Variants in EPS15 observed in about 807,000 individuals in gnomAD.
The protein encoded by EPS15 is epidermal growth factor receptor pathway substrate 15, also known as epidermal growth factor receptor substrate 15.
A neutral mutation model predicts 113.8 loss-of-function variants in EPS15; 72 were observed. That is an observed-to-expected ratio of 0.63 (90% CI 0.52 to 0.77). The LOEUF (loss-of-function observed/expected upper bound fraction) is 0.77, where lower values mean the gene tolerates loss of function less well. EPS15 is among the 30% of genes least tolerant of loss of function. EPS15 has a pLI of 0.00. For synonymous variants in EPS15, 344 were observed against 363.4 expected (o/e 0.95, Z 0.61); for missense variants, 1,048 against 1,045.8 (o/e 1.00, Z -0.03).
chr1:51,384,493 A>T (rs1395282522), intron 21 of EPS15, among the ~76,000 whole-genome samples: 26 of 151,496 alleles, frequency 1.7e-4, no homozygotes, highest in Admixed American at 1.7e-3. Context: ...GTAGAGACAG[A>T]GTCTCACTAT....
intron 12 of EPS15, 38 bp from the exon 13 acceptor site, chr1:51,421,896 C>T: frequency 6.2e-7 from 1 of 1,609,676 alleles, no homozygotes; most frequent in South Asian, 1.1e-5. Context: ...TATTTTAGAA[C>T]ATCAGCTACA....
intron 24 of EPS15, among the ~76,000 whole-genome samples, chr1:51,358,272 C>T (rs980410824): frequency 6.6e-5 from 10 of 151,530 alleles, no homozygotes; most frequent in African/African-American, 1.7e-4. Flanking sequence ...GCCAGATCGA[C>T]GGAGTGAGCC....
At chr1:51,518,781 G>T (rs1051930492) in intron 1 of EPS15, among the ~76,000 whole-genome samples, 15 of 151,618 alleles carry the variant, frequency 9.9e-5, no homozygotes, top group African/African-American at 3.4e-4. Context: ...CGTGCGGCCC[G>T]GGGGTGCGGC....
intron 7 of EPS15, among the ~76,000 whole-genome samples, chr1:51,462,766 C>A (rs1316341401): frequency 6.6e-6 from 1 of 151,068 alleles, no homozygotes; most frequent in African/African-American, 2.4e-5. Context: ...GTAGTTAATA[C>A]CACTGAATTG....
chr1:51,510,947 C>T (rs901967816), intron 1 of EPS15, among the ~76,000 whole-genome samples: 2 of 152,032 alleles, frequency 1.3e-5, no homozygotes, highest in African/African-American at 2.4e-5. Flanking sequence ...GGGAGGATCA[C>T]CTGAGGTCAG....
chr1:51,430,796 A>T (rs1045541859), intron 12 of EPS15, among the ~76,000 whole-genome samples: 15 of 148,612 alleles, frequency 1.0e-4, no homozygotes, highest in Non-Finnish European at 1.5e-4. Context: ...TCTCTATAAA[A>T]TTTTTTTTTT....
intron 1 of EPS15, among the ~76,000 whole-genome samples, chr1:51,493,062 C>A (rs1257633201): frequency 6.7e-6 from 1 of 149,210 alleles, no homozygotes; most frequent in Non-Finnish European, 1.5e-5. Context: ...CCCGTCTCTA[C>A]TAAAAATACA....
chr1:51,401,996 G>A (rs1323391197), intron 18 of EPS15, among the ~76,000 whole-genome samples: 1 of 152,236 alleles, frequency 6.6e-6, no homozygotes, highest in African/African-American at 2.4e-5. Context: ...AGTTAGCTGG[G>A]TGTGGTGGCA....
chr1:51,359,223 A>G (rs916994069), intron 24 of EPS15, among the ~76,000 whole-genome samples: 1 of 151,866 alleles, frequency 6.6e-6, no homozygotes, highest in Non-Finnish European at 1.5e-5. Flanking sequence ...AGGCATGCAC[A>G]TTGCAAGATC....
intron 1 of EPS15, among the ~76,000 whole-genome samples, chr1:51,489,303 ATATGTATGTATG>A (rs1271674004): frequency 1.4e-5 from 2 of 140,038 alleles, no homozygotes; most frequent in African/African-American, 5.5e-5. Context: ...ATATATATAT[ATATGTATGTATG>A]TATGTATGTA....
intron 10 of EPS15, 78 bp downstream of exon 10, chr1:51,446,882 T>C: frequency 8.1e-7 from 1 of 1,233,504 alleles, no homozygotes; most frequent in Non-Finnish European, 1.1e-6. Context: ...TATTTACAAA[T>C]GACTAAAAAT....
At chr1:51,421,360 C>T (rs1314003459) in intron 13 of EPS15, among the ~76,000 whole-genome samples, 1 of 152,032 alleles carries the variant, frequency 6.6e-6, no homozygotes, top group Non-Finnish European at 1.5e-5. Flanking sequence ...CTTTAACATA[C>T]TAGGTCTCCT....
At chr1:51,515,622 A>G (rs1644701503) in intron 1 of EPS15, among the ~76,000 whole-genome samples, 1 of 152,252 alleles carries the variant, frequency 6.6e-6, no homozygotes, top group East Asian at 1.9e-4. Flanking sequence ...TTGAACACAC[A>G]ATTGTATCAT....
intron 11 of EPS15, among the ~76,000 whole-genome samples, chr1:51,441,908 A>T (rs1165159382): frequency 6.6e-6 from 1 of 152,182 alleles, no homozygotes; most frequent in Admixed American, 6.6e-5. Context: ...CTCTAAAAGT[A>T]AATTTGATAA....
At chr1:51,434,508 A>G (rs567278439) in intron 12 of EPS15, among the ~76,000 whole-genome samples, 36 of 152,176 alleles carry the variant, frequency 2.4e-4, no homozygotes, top group Non-Finnish European at 2.2e-4. Context: ...AATCATAGAG[A>G]TAGAAAGTAT....
chr1:51,401,076 T>G, intron 18 of EPS15, 123 bp from the exon 19 acceptor site: 1 of 590,872 alleles, frequency 1.7e-6, no homozygotes. Flanking sequence ...CACTTCACAG[T>G]AGATAAAATA....
At chr1:51,453,490 G>A (rs1046965484) in intron 8 of EPS15, among the ~76,000 whole-genome samples, 1 of 151,918 alleles carries the variant, frequency 6.6e-6, no homozygotes, top group African/African-American at 2.4e-5. Flanking sequence ...GTATGCCACT[G>A]AAACAAAAGC....
intron 24 of EPS15, among the ~76,000 whole-genome samples, chr1:51,357,409 TATATATATATATA>T (rs1646253539): frequency 5.3e-5 from 3 of 57,082 alleles, no homozygotes; most frequent in African/African-American, 3.0e-4. Context: ...TATATATATA[TATATATATATATA>T]TATATTTTTT....
At chr1:51,388,626 T>C (rs1283679310) in intron 21 of EPS15, among the ~76,000 whole-genome samples, 1 of 151,916 alleles carries the variant, frequency 6.6e-6, no homozygotes, top group Non-Finnish European at 1.5e-5. Flanking sequence ...TAAAAACTGA[T>C]AAAGGGGATA....
Sources: gnomAD v4.1 joint callset for allele counts (sites outside exome capture counted in the v4.1 genomes callset) on GRCh38, gnomAD v4.1.1 for gene constraint, MANE v1.5 for transcripts, NCBI Gene and HGNC (gene_info 2026-07-23, HGNC 2026-07-21) for gene names.